MRC1: variants seen among roughly 807,000 people sequenced by gnomAD.
MRC1 encodes mannose receptor C-type 1, also known as macrophage mannose receptor 1.
MRC1 carries 62 observed loss-of-function variants against 102.9 expected under a neutral mutation model. The observed-to-expected ratio is 0.60, with a 90% confidence interval of 0.49 to 0.74. The LOEUF is 0.74. Among genes scored for constraint, MRC1 ranks in the 30% least tolerant of loss-of-function variants. MRC1 has a pLI of 0.00. For missense variants in MRC1, 1,237 were observed against 862.8 expected, an observed-to-expected ratio of 1.43 and a Z score of -5.43; for synonymous variants, 457 against 298.4, an observed-to-expected ratio of 1.53 and a Z score of -5.48.
intron 1 of MRC1, among the ~76,000 whole-genome samples, chr10:17,821,063 T>A (rs868949295): frequency 0.54 from 82,087 of 151,518 alleles, 22,255 homozygotes; most frequent in Non-Finnish European, 0.57. Flanking sequence ...CTGTGAACAG[T>A]TGTCAAGTGC....
intron 9 of MRC1, among the ~76,000 whole-genome samples, chr10:17,859,453 G>T (rs1254171823): frequency 1.3e-5 from 2 of 152,168 alleles, no homozygotes; most frequent in East Asian, 3.9e-4. Flanking sequence ...AAGTAGCTGG[G>T]ACTACAGGTG....
intron 12 of MRC1, among the ~76,000 whole-genome samples, chr10:17,869,763 T>C (rs1833328311): frequency 6.6e-6 from 1 of 152,198 alleles, no homozygotes. Flanking sequence ...CAACAAAATA[T>C]TGAAACATTG....
At chr10:17,875,374 A>G in intron 17 of MRC1, 121 bp downstream of exon 17, 2 of 719,546 alleles carry the variant, frequency 2.8e-6, no homozygotes, top group Admixed American at 4.0e-5. Context: ...TCACCTGAGC[A>G]GTATACGCTG....
intron 1 of MRC1, among the ~76,000 whole-genome samples, chr10:17,819,184 G>C (rs1272707908): frequency 6.6e-6 from 1 of 152,154 alleles, no homozygotes; most frequent in Non-Finnish European, 1.5e-5. Flanking sequence ...CTGCAAAAGA[G>C]ATGGGAAAAA....
Position 17,845,297 on chromosome 10 carries a change from T to C in MRC1, c.925T>C (p.Ser309Pro), listed in dbSNP as rs1838809404. The stretch of plus-strand genomic sequence containing the variant: ...TTTCCTTTTCCTCGAAGGAAGTCCA[T>C]CAGCTGAACCTGGAAAAAGCTGTGT... ...RYLNWLPGSP[S>P]AEPGKSCVSL... The change falls in exon 6 of 30, where the codon TCA becomes CCA. Residue 309 changes from serine (S) to proline (P), a missense_variant. Coordinates refer to ENST00000569591, the MANE Select transcript of MRC1 (RefSeq NM_002438.4). 1.3e-6 allele frequency: 1 copy of C among 780,690 alleles called. No homozygotes were observed. Among genetic ancestry groups the C allele is most frequent in the Admixed American group, 1.7e-5 (1 of 59,010 alleles). The allele number at this position is 780,690 out of a possible 1,614,324, so 48.4% of individuals were successfully genotyped here.
chr10:17,839,914 A>C (rs1342381227), intron 4 of MRC1, among the ~76,000 whole-genome samples: 1 of 151,686 alleles, frequency 6.6e-6, no homozygotes, highest in Non-Finnish European at 1.5e-5. Flanking sequence ...CAAAAAAAAA[A>C]AATTAGCCAG....
At chr10:17,833,212 A>G (rs1838606081) in intron 3 of MRC1, among the ~76,000 whole-genome samples, 1 of 152,108 alleles carries the variant, frequency 6.6e-6, no homozygotes, top group Non-Finnish European at 1.5e-5. Flanking sequence ...AGAAAATCTC[A>G]AAGTCATCTT....
At position 17,898,168 on chromosome 10, in the gene MRC1, C is replaced by G. The variant is rs995964667; in HGVS notation, c.3385C>G (p.Leu1129Val). The G allele has an allele frequency of 1.0e-4, 79 of 780,884 alleles. No individual in the cohort carries two copies. The African/African-American group carries it at 1.2e-3, about 12-fold the overall frequency. 48.4% of individuals were successfully genotyped at this position (780,884 alleles called of 1,614,324 possible). A position where few individuals can be genotyped will look rare whatever the true frequency, so the allele number is the denominator to read the frequency against. The part of the protein sequence containing the change: ...AETYCKLHNS[L>V]IASILDPYSN... ...GACATACTGCAAGCTTCACAATTCC[C>G]TTATAGCCAGCATTCTGGATCCCTA... is the stretch of plus-strand genomic sequence containing the variant. Residue 1129 changes from leucine to valine, a missense_variant, in exon 24 of 30, where the codon CTT becomes GTT. Leu to Val is a conservative substitution (Grantham distance 32, BLOSUM62 1). Transcript: ENST00000569591.
Position 17,849,704 on chromosome 10 carries a change from G to A in MRC1, c.1189G>A (p.Asp397Asn), listed in dbSNP as rs782429451. ...GACCACCTGCAGGAAGGAAGGCGGT[G>A]ACCTCACAAGTATCCACACCATCGA... ...ALTTCRKEGG[D>N]LTSIHTIEEL... The change falls in exon 7 of 30, where the codon GAC (aspartate) becomes AAC (asparagine). Residue 397 changes from aspartate to asparagine, a missense_variant. Coordinates refer to ENST00000569591, the MANE Select transcript of MRC1 (RefSeq NM_002438.4). 3.6e-5 allele frequency: 28 copies of A among 780,816 alleles called. No individual in the cohort carries two copies. Among genetic ancestry groups the A allele is most frequent in the Non-Finnish European group, 6.0e-5 (25 of 418,112 alleles). 48.4% of individuals were successfully genotyped at this position (780,816 alleles called of 1,614,324 possible).
rs1195763255 is a variant in MRC1, at chr10:17,909,821, A to G, written c.4121-394A>G. ...TGCCGTTTGTTTACTAATTACATCT[A>G]TGAGTTCACGTTTCCACTATTCTTA... is the stretch of plus-strand genomic sequence containing the variant. On this transcript the variant is annotated intron_variant, in intron 29 of 29. Transcript: ENST00000569591. 5.9e-5 allele frequency among the ~76,000 whole-genome samples: 9 copies of G among 151,838 alleles called. No individual in the cohort carries two copies. In the South Asian group the frequency reaches 6.2e-4, roughly 11 times the overall value.
intron 10 of MRC1, among the ~76,000 whole-genome samples, chr10:17,862,378 G>A (rs1318190087): frequency 1.3e-5 from 2 of 152,090 alleles, no homozygotes; most frequent in African/African-American, 2.4e-5. Flanking sequence ...AACTCAGAAC[G>A]TAGGTACTTT....
chr10:17,851,144 C>T (rs1024518221), intron 7 of MRC1, among the ~76,000 whole-genome samples: 2 of 152,112 alleles, frequency 1.3e-5, no homozygotes, highest in Non-Finnish European at 2.9e-5. Context: ...ACATTTAACT[C>T]TACTTTGTAT....
At chr10:17,899,206 A>G (rs1833796806) in intron 24 of MRC1, among the ~76,000 whole-genome samples, 1 of 152,218 alleles carries the variant, frequency 6.6e-6, no homozygotes, top group Non-Finnish European at 1.5e-5. Flanking sequence ...AATTTATACA[A>G]TGAGTATTTC....
chr10:17,832,315 G>A (rs1838586483), intron 3 of MRC1, among the ~76,000 whole-genome samples: 1 of 151,170 alleles, frequency 6.6e-6, no homozygotes, highest in Admixed American at 6.6e-5. Flanking sequence ...TATTCACTTT[G>A]GGAAGCCGAG....
At chr10:17,834,325 G>A (rs975565653) in intron 4 of MRC1, among the ~76,000 whole-genome samples, 30 of 152,244 alleles carry the variant, frequency 2.0e-4, no homozygotes, top group African/African-American at 6.5e-4. Context: ...CCTGTCCCTC[G>A]AACCCCCAGG....
In MRC1 at chr10:17,809,361, C is replaced by T. The variant is rs1838187765; in HGVS notation, c.-105C>T. ...TGTAGTTCTTTTCAGCTGGGCAGCT[C>T]TGGGAACTTGGATTAGGTGGAGAGG... On this transcript the variant is annotated 5_prime_UTR_variant, in exon 1 of 30. Transcript: ENST00000569591. The T allele has an allele frequency of 4.9e-6, 4 of 813,124 alleles. No homozygotes were observed. The highest frequency in any genetic ancestry group is 1.7e-5 in the Admixed American group (1 of 58,480). The allele number at this position is 813,124 out of a possible 1,614,324, so 50.4% of individuals were successfully genotyped here. A position where few individuals can be genotyped will look rare whatever the true frequency, so the allele number is the denominator to read the frequency against.
chr10:17,854,318 A>C (rs974646215), intron 8 of MRC1, among the ~76,000 whole-genome samples: 3 of 152,214 alleles, frequency 2.0e-5, no homozygotes, highest in Admixed American at 2.0e-4. Context: ...TTGTTCAATA[A>C]TTTTTGTCAT....
intron 7 of MRC1, among the ~76,000 whole-genome samples, chr10:17,851,138 T>A (rs1838909704): frequency 6.6e-6 from 1 of 152,156 alleles, no homozygotes; most frequent in African/African-American, 2.4e-5. Flanking sequence ...GAGTGCACAT[T>A]TAACTCTACT....
chr10:17,841,785 G>T (rs1471998311), intron 5 of MRC1, among the ~76,000 whole-genome samples: 119 of 140,506 alleles, frequency 8.5e-4, no homozygotes, highest in Non-Finnish European at 1.4e-3. Flanking sequence ...AATGATTAGT[G>T]ACGTCTGCCG....
Sources: allele counts gnomAD v4.1 joint callset (sites outside exome capture counted in the v4.1 genomes callset), GRCh38; gene constraint gnomAD v4.1.1; transcripts MANE v1.5; gene names NCBI Gene and HGNC (gene_info 2026-07-23, HGNC 2026-07-21).